KCND2: variants seen among roughly 807,000 people sequenced by gnomAD.
KCND2 encodes A-type voltage-gated potassium channel KCND2.
KCND2 carries 16 observed loss-of-function variants against 54.4 expected under a neutral mutation model. The ratio of observed to expected loss-of-function variants is 0.29; its 90% CI spans 0.20 to 0.45. KCND2 has a LOEUF of 0.45. KCND2 is among the 20% of genes least tolerant of loss of function. The pLI is 1.00. For missense variants in KCND2, 486 were observed against 824.2 expected (o/e 0.59, Z 5.02); for synonymous variants, 317 against 310.7 (o/e 1.02, Z -0.21).
At chr7:120,598,713 T>C (rs1220804509) in intron 1 of KCND2, among the ~76,000 whole-genome samples, 1 of 152,230 alleles carries the variant, frequency 6.6e-6, no homozygotes, top group East Asian at 1.9e-4. Flanking sequence ...GTATTGTCTG[T>C]ATACATTTCT....
intron 1 of KCND2, among the ~76,000 whole-genome samples, chr7:120,725,057 A>G (rs955131930): frequency 6.6e-6 from 1 of 152,170 alleles, no homozygotes; most frequent in African/African-American, 2.4e-5. Context: ...ATAATAGGCT[A>G]AAAGCAAGAG....
chr7:120,386,680 T>C (rs1046931155), intron 1 of KCND2, among the ~76,000 whole-genome samples: 2 of 152,150 alleles, frequency 1.3e-5, no homozygotes, highest in African/African-American at 4.8e-5. Flanking sequence ...TCATCACATA[T>C]GTATTCTACT....
At chr7:120,441,619 GACATAGAAAACTCTCTTTTATGTA>G (rs1486789418) in intron 1 of KCND2, among the ~76,000 whole-genome samples, 1 of 151,956 alleles carries the variant, frequency 6.6e-6, no homozygotes, top group African/African-American at 2.4e-5. Context: ...GAGAAAATGG[GACATAGAAAACTCTCTTTTATGTA>G]ACATGCAGTT....
chr7:120,425,769 T>C (rs1035787848), intron 1 of KCND2, among the ~76,000 whole-genome samples: 2 of 152,206 alleles, frequency 1.3e-5, no homozygotes, highest in African/African-American at 4.8e-5. Context: ...CCTGGCCCAG[T>C]TGCCATGCTA....
At chr7:120,535,756 C>T (rs1791898780) in intron 1 of KCND2, among the ~76,000 whole-genome samples, 1 of 152,000 alleles carries the variant, frequency 6.6e-6, no homozygotes, top group Admixed American at 6.6e-5. Flanking sequence ...AAAATTGTAC[C>T]CAGTGTTATT....
At chr7:120,698,905 T>C (rs368321858) in intron 1 of KCND2, among the ~76,000 whole-genome samples, 1 of 152,228 alleles carries the variant, frequency 6.6e-6, no homozygotes, top group Non-Finnish European at 1.5e-5. Context: ...ATTTAAAAAG[T>C]CTTTAAATTT....
intron 1 of KCND2, among the ~76,000 whole-genome samples, chr7:120,442,804 C>T (rs1801962338): frequency 6.6e-6 from 1 of 152,092 alleles, no homozygotes; most frequent in Non-Finnish European, 1.5e-5. Context: ...CCATCATTTC[C>T]AGCCCTTGCT....
At chr7:120,642,090 T>A (rs1793383783) in intron 1 of KCND2, among the ~76,000 whole-genome samples, 1 of 152,160 alleles carries the variant, frequency 6.6e-6, no homozygotes, top group African/African-American at 2.4e-5. Context: ...TTAATAGGGT[T>A]TCATTTTCTC....
chr7:120,671,278 A>G (rs925015623), intron 1 of KCND2, among the ~76,000 whole-genome samples: 1 of 152,014 alleles, frequency 6.6e-6, no homozygotes, highest in Non-Finnish European at 1.5e-5. Flanking sequence ...GATCCCTTGC[A>G]TGTACAGTTC....
intron 1 of KCND2, among the ~76,000 whole-genome samples, chr7:120,535,886 C>T (rs544406913): frequency 4.6e-5 from 7 of 152,028 alleles, no homozygotes; most frequent in Admixed American, 1.3e-4. Context: ...AGATTGTTTT[C>T]GTGTGTGTGT....
At chr7:120,642,613 A>T (rs1283280413) in intron 1 of KCND2, among the ~76,000 whole-genome samples, 1 of 151,086 alleles carries the variant, frequency 6.6e-6, no homozygotes, top group East Asian at 1.9e-4. Flanking sequence ...TAAGCTTTTA[A>T]AAAGGATGTT....
At chr7:120,576,783 T>G (rs534044805) in intron 1 of KCND2, among the ~76,000 whole-genome samples, 5 of 152,332 alleles carry the variant, frequency 3.3e-5, no homozygotes, top group Middle Eastern at 3.4e-3. Flanking sequence ...TATTGCTTAC[T>G]GTTTTACTCT....
At position 120,428,078 on chromosome 7, in the gene KCND2, A is replaced by G. The variant is rs548562311; in HGVS notation, c.1115+152331A>G. Among the ~76,000 whole-genome samples, 6 of 152,346 alleles carry G rather than the reference A, an allele frequency of 3.9e-5. No individual in the cohort carries two copies. The South Asian group carries it at 6.2e-4, about 16-fold the overall frequency. ...TTAAATTATCAGAACTATAATTTTAATTTGAATATTATAATCACTTGAACA... is the reference window on the plus strand; with the variant it reads ...TTAAATTATCAGAACTATAATTTTAGTTTGAATATTATAATCACTTGAACA... On this transcript the variant is annotated intron_variant, in intron 1 of 5. Coordinates refer to ENST00000331113, the MANE Select transcript of KCND2 (RefSeq NM_012281.3).
intron 1 of KCND2, among the ~76,000 whole-genome samples, chr7:120,518,831 C>T (rs964425846): frequency 2.6e-5 from 4 of 151,882 alleles, no homozygotes; most frequent in East Asian, 1.9e-4. Flanking sequence ...ACTTTGCCGA[C>T]GTGAAAAAGA....
intron 1 of KCND2, among the ~76,000 whole-genome samples, chr7:120,408,495 T>C (rs1286891325): frequency 6.6e-6 from 1 of 151,854 alleles, no homozygotes; most frequent in African/African-American, 2.4e-5. Flanking sequence ...ACAGACCATA[T>C]ACTCAAGACA....
chr7:120,628,080 C>T (rs940981388), intron 1 of KCND2, among the ~76,000 whole-genome samples: 1 of 152,022 alleles, frequency 6.6e-6, no homozygotes. Flanking sequence ...ATCTTCAGCT[C>T]TAAGGAAATA....
At chr7:120,569,899 A>G (rs893268128) in intron 1 of KCND2, among the ~76,000 whole-genome samples, 1 of 152,174 alleles carries the variant, frequency 6.6e-6, no homozygotes, top group Non-Finnish European at 1.5e-5. Context: ...TGTAATAGGG[A>G]CAGGGGATCT....
chr7:120,697,634 A>G (rs967578234), intron 1 of KCND2, among the ~76,000 whole-genome samples: 5 of 152,228 alleles, frequency 3.3e-5, no homozygotes, highest in African/African-American at 1.2e-4. Flanking sequence ...GTAGGGAAGC[A>G]GTAAGTTTAC....
rs79056651 is a variant in KCND2 at position 120,747,764 on chromosome 7, T to C, written c.1799T>C (p.Ile600Thr). The C allele has an allele frequency of 6.2e-7, 1 of 1,612,064 alleles. No individual in the cohort carries two copies. The highest frequency in any genetic ancestry group is 8.5e-7 in the Non-Finnish European group (1 of 1,178,520). ...TATGTGACTACAGCAATAATAAGCA[T>C]CCCAACACCTCCAGTAACCACACCA... Reference protein sequence around the residue: ...QPYVTTAIISIPTPPVTTPEG... With the variant: ...QPYVTTAIISTPTPPVTTPEG... Residue 600 changes from isoleucine to threonine, a missense_variant, in exon 6 of 6, where the codon ATC becomes ACC. Physicochemically the swap from Ile to Thr is moderately conservative, Grantham distance 89. This residue lies in a region of KCND2 where 202 missense variants were observed against 252.7 expected (regional missense o/e 0.80). Transcript: ENST00000331113.
Sources: allele counts gnomAD v4.1 joint callset (sites outside exome capture counted in the v4.1 genomes callset), GRCh38; gene constraint gnomAD v4.1.1; regional missense constraint gnomAD v4.1.1; transcripts MANE v1.5; gene names NCBI Gene and HGNC (gene_info 2026-07-23, HGNC 2026-07-21).